SLC22A23: variants seen among roughly 807,000 people sequenced by gnomAD.
SLC22A23 encodes the protein ion transporter protein.
In SLC22A23, 26 loss-of-function variants were observed where a neutral mutation model predicts 61.0. That is an observed-to-expected ratio of 0.43 (90% CI 0.31 to 0.59). SLC22A23 has a LOEUF of 0.59. SLC22A23 is among the 20% of genes least tolerant of loss of function. SLC22A23 has a pLI of 0.11. For synonymous variants in SLC22A23, 430 were observed against 413.9 expected, an observed-to-expected ratio of 1.04 and a Z score of -0.47; for missense variants, 796 against 934.7, an observed-to-expected ratio of 0.85 and a Z score of 1.94.
intron 3 of SLC22A23, among the ~76,000 whole-genome samples, chr6:3,353,827 C>T (rs1764916727): frequency 6.6e-6 from 1 of 152,216 alleles, no homozygotes; most frequent in African/African-American, 2.4e-5. Flanking sequence ...GGCAGACTCT[C>T]CCTTCTACCA....
chr6:3,292,497 CAGA>C (rs1266223287), intron 5 of SLC22A23, among the ~76,000 whole-genome samples: 1 of 152,128 alleles, frequency 6.6e-6, no homozygotes, highest in African/African-American at 2.4e-5. Context: ...CTCCTCGAGA[CAGA>C]GGAGGAGGAG....
chr6:3,419,629 T>C (rs1769984794), intron 1 of SLC22A23, among the ~76,000 whole-genome samples: 1 of 152,188 alleles, frequency 6.6e-6, no homozygotes, highest in African/African-American at 2.4e-5. Flanking sequence ...GGTGTGATCT[T>C]GGAACCAGTG....
At position 3,286,005 on chromosome 6, in the gene SLC22A23, G is replaced by T. The variant is rs1029260984; in HGVS notation, c.1546+854C>A. Among the ~76,000 whole-genome samples the T allele has an allele frequency of 2.6e-5, 4 of 152,124 alleles. No individual in the cohort carries two copies. The highest frequency in any genetic ancestry group is 4.4e-5 in the Non-Finnish European group (3 of 68,016). ...CCTGGGCTGGCCACGGAGATGCTGTGGTGGTTTGTCCATACACGGGAATGG... is the reference window on the plus strand; with the variant it reads ...CCTGGGCTGGCCACGGAGATGCTGTTGTGGTTTGTCCATACACGGGAATGG... On this transcript the variant is annotated intron_variant, in intron 7 of 9. Coordinates refer to ENST00000406686, the MANE Select transcript of SLC22A23 (RefSeq NM_015482.2). The surrounding 1 kb of genome is among the most constrained non-coding windows in gnomAD (Gnocchi z 4.2).
intron 1 of SLC22A23, among the ~76,000 whole-genome samples, chr6:3,448,094 G>C (rs1771997445): frequency 6.6e-6 from 1 of 150,912 alleles, no homozygotes; most frequent in Non-Finnish European, 1.5e-5. Context: ...GTAGAGGCGG[G>C]GTTTCACCAT....
chr6:3,300,327 G>C (rs376716691), intron 4 of SLC22A23, among the ~76,000 whole-genome samples: 2 of 152,032 alleles, frequency 1.3e-5, no homozygotes, highest in African/African-American at 4.8e-5. Context: ...GTTTTAAAAT[G>C]AATCTAGCAG....
At chr6:3,442,892 C>T (rs151191262) in intron 1 of SLC22A23, among the ~76,000 whole-genome samples, 74 of 151,972 alleles carry the variant, frequency 4.9e-4, no homozygotes, top group Middle Eastern at 6.9e-3. Flanking sequence ...ATCTCTGTGA[C>T]TCAGCTCTTT....
At position 3,283,904 on chromosome 6, in the gene SLC22A23, C is replaced by T. The variant is rs940261310; in HGVS notation, c.1651G>A (p.Val551Met). The T allele has an allele frequency of 2.5e-6, 4 of 1,612,050 alleles. No homozygotes were observed. In the African/African-American group the frequency reaches 5.3e-5, roughly 22 times the overall value. ...CAGAAGAACACGCTGAGGCTCCCCACCGCATGGGAGGCAAACATGCCCACG... is the reference window on the plus strand; with the variant it reads ...CAGAAGAACACGCTGAGGCTCCCCATCGCATGGGAGGCAAACATGCCCACG... ...SIVGMFASHA[V>M]GSLSVFFCAE... Residue 551 changes from valine (V) to methionine (M), a missense_variant, in exon 9 of 10, where the codon GTG becomes ATG. By Grantham distance (21) the Val-to-Met change is conservative. Coordinates refer to ENST00000406686, the MANE Select transcript of SLC22A23 (RefSeq NM_015482.2).
chr6:3,287,470 C>T (rs1293236376), intron 6 of SLC22A23, among the ~76,000 whole-genome samples: 1 of 152,034 alleles, frequency 6.6e-6, no homozygotes, highest in African/African-American at 2.4e-5. Context: ...CCACTGCACA[C>T]CCACTTCACA....
At chr6:3,419,748 G>A (rs991400617) in intron 1 of SLC22A23, among the ~76,000 whole-genome samples, 2 of 152,188 alleles carry the variant, frequency 1.3e-5, no homozygotes, top group African/African-American at 4.8e-5. Context: ...AGTTGCTCTA[G>A]CAACTCAGTA....
intron 5 of SLC22A23, among the ~76,000 whole-genome samples, chr6:3,293,328 C>T (rs565213732): frequency 2.0e-5 from 3 of 152,310 alleles, no homozygotes; most frequent in Non-Finnish European, 2.9e-5. Context: ...GCACACCAAA[C>T]GCTCCAAGGA....
At chr6:3,348,004 T>A (rs1397492112) in intron 3 of SLC22A23, among the ~76,000 whole-genome samples, 1 of 152,218 alleles carries the variant, frequency 6.6e-6, no homozygotes, top group Non-Finnish European at 1.5e-5. Context: ...CACTCCTTCA[T>A]CTAACTCAGG....
intron 1 of SLC22A23, among the ~76,000 whole-genome samples, chr6:3,436,715 A>T (rs1372237335): frequency 6.6e-6 from 1 of 152,144 alleles, no homozygotes; most frequent in Non-Finnish European, 1.5e-5. Context: ...ACACTCACAG[A>T]TCCATCCTCC....
intron 3 of SLC22A23, among the ~76,000 whole-genome samples, chr6:3,349,466 A>G (rs1764637861): frequency 1.3e-5 from 2 of 152,138 alleles, no homozygotes; most frequent in African/African-American, 4.8e-5. Context: ...AACCCTCTCT[A>G]GAATGTGGTT....
chr6:3,285,262 C>A, intron 7 of SLC22A23, 151 bp from the exon 8 acceptor site: 1 of 1,058,286 alleles, frequency 9.4e-7, no homozygotes, highest in Non-Finnish European at 1.4e-6. Context: ...TGGCGCTGGC[C>A]GCCGGGGCAG....
chr6:3,318,776 T>C lies in SLC22A23; in HGVS notation c.1082+5058A>G, dbSNP rs768881647. On this transcript the variant is annotated intron_variant, in intron 4 of 9. Coordinates refer to ENST00000406686, the MANE Select transcript of SLC22A23 (RefSeq NM_015482.2). This position sits in a 1 kb window ranked among gnomAD's most constrained non-coding sequence, Gnocchi z 4.3. Reference sequence around the variant, plus strand: ...CATCCTGTCACCCACCACAGTAGGATAGCAGGACAGGACTTCAGCCTCCAG... The same window carrying C: ...CATCCTGTCACCCACCACAGTAGGACAGCAGGACAGGACTTCAGCCTCCAG... Among the ~76,000 whole-genome samples the C allele has an allele frequency of 1.2e-4, 18 of 152,296 alleles. No homozygotes were observed. In the Middle Eastern group the frequency reaches 0.01, roughly 86 times the overall value.
In SLC22A23 at chr6:3,390,022, A is replaced by C. The variant is rs1767565223; in HGVS notation, c.913+20166T>G. On this transcript the variant is annotated intron_variant, in intron 3 of 9. Coordinates refer to ENST00000406686, the MANE Select transcript of SLC22A23 (RefSeq NM_015482.2). The surrounding 1 kb of genome is among the most constrained non-coding windows in gnomAD (Gnocchi z 4.0). ...TACAAAAGTGACATCATCACTTTGC[A>C]TTTCAAAAAAAGGCCTGGTTTGGGA... 6.6e-6 allele frequency among the ~76,000 whole-genome samples: 1 copy of C among 152,218 alleles called. No individual in the cohort carries two copies. The highest frequency in any genetic ancestry group is 2.4e-5 in the African/African-American group (1 of 41,466).
intron 3 of SLC22A23, among the ~76,000 whole-genome samples, chr6:3,392,435 C>T (rs1767723750): frequency 6.6e-6 from 1 of 152,146 alleles, no homozygotes; most frequent in East Asian, 1.9e-4. Flanking sequence ...ATAGACAGAT[C>T]GATGCAGGAG....
chr6:3,335,147 C>T (rs1763780164), intron 3 of SLC22A23, among the ~76,000 whole-genome samples: 1 of 152,172 alleles, frequency 6.6e-6, no homozygotes, highest in Admixed American at 6.5e-5. Context: ...AACAAAGGGT[C>T]AGATCAGGCC....
chr6:3,281,402 T>G (rs1487860142), intron 9 of SLC22A23, among the ~76,000 whole-genome samples: 2 of 152,232 alleles, frequency 1.3e-5, no homozygotes, highest in Non-Finnish European at 2.9e-5. Context: ...GGCAATAGAT[T>G]TCTGCAGGCC....
Sources: allele counts gnomAD v4.1 joint callset (sites outside exome capture counted in the v4.1 genomes callset), GRCh38; gene constraint gnomAD v4.1.1; non-coding constraint Gnocchi (gnomAD v3.1); transcripts MANE v1.5; gene names NCBI Gene and HGNC (gene_info 2026-07-23, HGNC 2026-07-21).